Variants in EHBP1 observed in about 807,000 individuals in gnomAD.
The protein encoded by EHBP1 is EH domain binding protein 1.
A neutral mutation model predicts 144.0 loss-of-function variants in EHBP1; 55 were observed. The ratio of observed to expected loss-of-function variants is 0.38; its 90% CI spans 0.31 to 0.48. EHBP1 has a LOEUF of 0.48. EHBP1 is among the 20% of genes least tolerant of loss of function. The pLI, the probability that EHBP1 is intolerant of heterozygous loss-of-function variation, is 0.98. For synonymous variants in EHBP1, 469 were observed against 472.7 expected (o/e 0.99, Z 0.10); for missense variants, 1,200 against 1,364.2 (o/e 0.88, Z 1.90).
chr2:62,724,064 G>A (rs1294021037), intron 2 of EHBP1, among the ~76,000 whole-genome samples: 2 of 152,098 alleles, frequency 1.3e-5, no homozygotes, highest in Admixed American at 6.6e-5. Context: ...CCTGAAATAC[G>A]TTTTCCGAGT....
chr2:62,819,529 G>C (rs1401445521), intron 5 of EHBP1, among the ~76,000 whole-genome samples: 3 of 152,138 alleles, frequency 2.0e-5, no homozygotes, highest in Non-Finnish European at 4.4e-5. Flanking sequence ...GCTGAGGCAA[G>C]CAGATCACCT....
chr2:62,861,761 AG>A (rs1379057852), intron 8 of EHBP1, among the ~76,000 whole-genome samples: 4 of 151,450 alleles, frequency 2.6e-5, no homozygotes, highest in African/African-American at 4.9e-5. Flanking sequence ...AAAAAAAAAA[AG>A]AAAGAAAGTC....
intron 3 of EHBP1, among the ~76,000 whole-genome samples, chr2:62,748,541 T>TC (rs951141242): frequency 2.6e-5 from 4 of 151,994 alleles, no homozygotes; most frequent in African/African-American, 9.7e-5. Flanking sequence ...GCACCTGTAG[T>TC]CCCAGCTACT....
chr2:62,890,976 G>A (rs1170496051), intron 10 of EHBP1, among the ~76,000 whole-genome samples: 1 of 152,084 alleles, frequency 6.6e-6, no homozygotes, highest in African/African-American at 2.4e-5. Flanking sequence ...TCAGGAGTCT[G>A]ACACCAGCCT....
At chr2:62,850,549 A>G (rs1390839537) in intron 7 of EHBP1, among the ~76,000 whole-genome samples, 1 of 152,164 alleles carries the variant, frequency 6.6e-6, no homozygotes, top group East Asian at 1.9e-4. Flanking sequence ...TCCATAACTG[A>G]CATACAGTTA....
chr2:62,767,853 A>AG (rs2041318866), intron 4 of EHBP1, among the ~76,000 whole-genome samples: 1 of 147,626 alleles, frequency 6.8e-6, no homozygotes, highest in Admixed American at 6.7e-5. Context: ...AAAAAAAAAA[A>AG]GTCAAGACTA....
Position 62,820,476 on chromosome 2 carries a change from A to G in EHBP1, c.313-5611A>G, listed in dbSNP as rs146135721. 2.5e-3 allele frequency among the ~76,000 whole-genome samples: 384 copies of G among 151,402 alleles called. 1 individual carries two copies. Among genetic ancestry groups the G allele is most frequent in the African/African-American group, 8.6e-3 (356 of 41,390 alleles). On this transcript the variant is annotated intron_variant, in intron 5 of 22. Transcript: ENST00000431489. ...TACTGTCCATTTCCAGAACTTTTTC[A>G]TCATCCCAAGTAGAAACTATCTGTA...
At chr2:62,824,569 C>A (rs1227541608) in intron 5 of EHBP1, among the ~76,000 whole-genome samples, 1 of 151,938 alleles carries the variant, frequency 6.6e-6, no homozygotes, top group African/African-American at 2.4e-5. Context: ...CAACTTGATT[C>A]AGTTGAGGAT....
chr2:62,986,178 A>G (rs1036702100), intron 15 of EHBP1, among the ~76,000 whole-genome samples: 4 of 152,234 alleles, frequency 2.6e-5, no homozygotes. Context: ...TTTGACACAC[A>G]GGAAATATTT....
intron 3 of EHBP1, among the ~76,000 whole-genome samples, chr2:62,752,663 C>T (rs918146233): frequency 6.6e-6 from 1 of 152,154 alleles, no homozygotes; most frequent in East Asian, 1.9e-4. Flanking sequence ...CCGGGTGCTC[C>T]TGTACTGGGT....
chr2:62,933,196 C>T (rs1397996207), intron 10 of EHBP1, among the ~76,000 whole-genome samples: 1 of 151,572 alleles, frequency 6.6e-6, no homozygotes, highest in African/African-American at 2.4e-5. Context: ...TGAAAAATGA[C>T]TATATTTTTC....
At chr2:62,890,714 A>G (rs2052386790) in intron 10 of EHBP1, among the ~76,000 whole-genome samples, 1 of 152,208 alleles carries the variant, frequency 6.6e-6, no homozygotes, top group South Asian at 2.1e-4. Context: ...TCTCTCTCAC[A>G]TAGTATTTGA....
chr2:62,842,820 AGTT>A (rs1437193323), intron 7 of EHBP1, among the ~76,000 whole-genome samples: 1 of 152,208 alleles, frequency 6.6e-6, no homozygotes, highest in Admixed American at 6.5e-5. Flanking sequence ...ACACATTTGC[AGTT>A]GTTTTGAGCA....
intron 19 of EHBP1, among the ~76,000 whole-genome samples, chr2:63,019,643 G>A (rs1400240905): frequency 1.3e-5 from 2 of 151,474 alleles, no homozygotes; most frequent in Non-Finnish European, 2.9e-5. Context: ...GAAGGTGGAG[G>A]TTGCAATGAA....
chr2:62,857,907 T>G (rs1280086127), intron 7 of EHBP1, among the ~76,000 whole-genome samples: 1 of 152,130 alleles, frequency 6.6e-6, no homozygotes, highest in East Asian at 1.9e-4. Context: ...GCTTTTTTCT[T>G]GTTTTAGTGC....
At chr2:62,912,848 C>A (rs745745777) in intron 10 of EHBP1, among the ~76,000 whole-genome samples, 17 of 152,162 alleles carry the variant, frequency 1.1e-4, no homozygotes, top group South Asian at 6.2e-4. Context: ...CTATTTCTGC[C>A]TCCAACAAGT....
intron 2 of EHBP1, among the ~76,000 whole-genome samples, chr2:62,725,741 T>C (rs1001701566): frequency 6.6e-6 from 1 of 152,072 alleles, no homozygotes; most frequent in Admixed American, 6.5e-5. Context: ...CATGGGCAGC[T>C]GATGGAGCAA....
intron 10 of EHBP1, among the ~76,000 whole-genome samples, chr2:62,877,544 A>G (rs964537761): frequency 6.6e-6 from 1 of 152,246 alleles, no homozygotes; most frequent in African/African-American, 2.4e-5. Flanking sequence ...CAGAATGTAC[A>G]TTATTTTCAT....
chr2:62,991,220 C>T (rs1324487273), intron 16 of EHBP1, among the ~76,000 whole-genome samples: 4 of 141,620 alleles, frequency 2.8e-5, no homozygotes, highest in East Asian at 2.0e-4. Context: ...ACTCCAGCAG[C>T]GGAGACAGGG....
Sources: allele counts gnomAD v4.1 joint callset (sites outside exome capture counted in the v4.1 genomes callset), GRCh38; gene constraint gnomAD v4.1.1; transcripts MANE v1.5; gene names NCBI Gene and HGNC (gene_info 2026-07-23, HGNC 2026-07-21).